CYP7B1: variants seen among roughly 807,000 people sequenced by gnomAD.
CYP7B1 encodes cytochrome P450 7B1.
In CYP7B1, 29 loss-of-function variants were observed where a neutral mutation model predicts 42.7. The ratio of observed to expected loss-of-function variants is 0.68; its 90% CI spans 0.51 to 0.93. CYP7B1 has a LOEUF of 0.93. Ranked by LOEUF, CYP7B1 falls within the 40% of genes least tolerant of loss-of-function variation. CYP7B1 has a pLI of 0.00. For synonymous variants in CYP7B1, 235 were observed against 218.2 expected, an observed-to-expected ratio of 1.08 and a Z score of -0.68; for missense variants, 655 against 600.5, an observed-to-expected ratio of 1.09 and a Z score of -0.95.
In CYP7B1 at chr8:64,667,544, GATAATA is replaced by G. The variant is rs148738162; in HGVS notation, c.123-43011_123-43006del. Among the ~76,000 whole-genome samples, 65 of 152,198 alleles carry G rather than the reference GATAATA, an allele frequency of 4.3e-4. 1 individual carries two copies. Among genetic ancestry groups the G allele is most frequent in the African/African-American group, 1.5e-3 (61 of 41,532 alleles). ...TTGGGTCCTTAAAACAGATAAGGAA[GATAATA>G]ATAATAACTATTATTATCTGATCTT... On this transcript the variant is annotated intron_variant, in intron 1 of 5. Transcript: ENST00000310193.
At chr8:64,707,697 T>C (rs558391202) in intron 1 of CYP7B1, among the ~76,000 whole-genome samples, 4 of 152,234 alleles carry the variant, frequency 2.6e-5, no homozygotes, top group African/African-American at 9.6e-5. Flanking sequence ...ATTAGTTTTT[T>C]TTTTCACTTT....
intron 1 of CYP7B1, among the ~76,000 whole-genome samples, chr8:64,654,388 G>A (rs988822857): frequency 9.9e-5 from 15 of 152,126 alleles, no homozygotes; most frequent in Admixed American, 2.0e-4. Flanking sequence ...CAGCCAAGGT[G>A]AGAGCCAAAT....
At chr8:64,607,083 G>T (rs1399703365) in intron 4 of CYP7B1, among the ~76,000 whole-genome samples, 1 of 152,168 alleles carries the variant, frequency 6.6e-6, no homozygotes, top group Non-Finnish European at 1.5e-5. Flanking sequence ...CTGCACGGTA[G>T]AGCAACATCT....
At position 64,616,168 on chromosome 8, in the gene CYP7B1, T is replaced by C. The variant is rs1805443799; in HGVS notation, c.373A>G (p.Ile125Val). 1 of 1,613,124 alleles carries C rather than the reference T, an allele frequency of 6.2e-7. No homozygotes were observed. Among genetic ancestry groups the C allele is most frequent in the African/African-American group, 1.3e-5 (1 of 74,982 alleles). ...TCATGATTTTTTTGCAACTGACTGA[T>C]GCTAAATGCTTTCTCTAATAATTTA... ...SNKLLEKAFSISQLQKNHDMN... is the reference protein window; with the variant it reads ...SNKLLEKAFSVSQLQKNHDMN... Residue 125 changes from isoleucine (I) to valine (V), a missense_variant, in exon 3 of 6, where the codon ATC becomes GTC. Physicochemically the swap from Ile to Val is conservative, Grantham distance 29 (BLOSUM62 3). Transcript: ENST00000310193.
intron 1 of CYP7B1, among the ~76,000 whole-genome samples, chr8:64,674,284 C>T (rs544799814): frequency 2.0e-5 from 3 of 152,150 alleles, no homozygotes; most frequent in South Asian, 4.2e-4. Context: ...ATTCTTTTGT[C>T]GCTTTGGTGT....
intron 1 of CYP7B1, among the ~76,000 whole-genome samples, chr8:64,692,183 C>T (rs971268538): frequency 9.8e-5 from 15 of 152,336 alleles, no homozygotes; most frequent in East Asian, 1.9e-4. Context: ...GGAAGACCAA[C>T]GTAACATCAA....
At chr8:64,625,066 C>T (rs1465358032) in intron 1 of CYP7B1, among the ~76,000 whole-genome samples, 14 of 141,728 alleles carry the variant, frequency 9.9e-5, no homozygotes, top group Non-Finnish European at 2.1e-4. Flanking sequence ...CTGCGCCTCC[C>T]GGGTTCACGC....
chr8:64,780,831 C>T (rs1228849007), intron 1 of CYP7B1, among the ~76,000 whole-genome samples: 1 of 152,046 alleles, frequency 6.6e-6, no homozygotes, highest in East Asian at 1.9e-4. Flanking sequence ...CCTTAGATCC[C>T]TTCAAATTCT....
chr8:64,624,253 A>C (rs1304867894), intron 2 of CYP7B1, 150 bp downstream of exon 2: 1 of 768,756 alleles, frequency 1.3e-6, no homozygotes, highest in Non-Finnish European at 2.0e-6. Flanking sequence ...TCACTGAACT[A>C]AAAATAATAG....
In CYP7B1 at chr8:64,591,673, A is replaced by C. The variant is rs562643608; in HGVS notation, c.*4969T>G. Among the ~76,000 whole-genome samples the C allele has an allele frequency of 6.6e-6, 1 of 152,298 alleles. No individual in the cohort carries two copies. Among genetic ancestry groups the C allele is most frequent in the African/African-American group, 2.4e-5 (1 of 41,564 alleles). ...AAACTTAATTATAAAATGGAGATGA[A>C]GTAAGGAAGTATGCCAGGAAAGCCA... On this transcript the variant is annotated 3_prime_UTR_variant, in exon 6 of 6. Transcript: ENST00000310193.
At chr8:64,631,894 A>G (rs1805701742) in intron 1 of CYP7B1, among the ~76,000 whole-genome samples, 1 of 42,856 alleles carries the variant, frequency 2.3e-5, no homozygotes, top group East Asian at 3.2e-4. Context: ...CAGGATGACT[A>G]TTATCCAAAA....
At position 64,614,364 on chromosome 8, in the gene CYP7B1, C is replaced by T. The variant is rs562100818; in HGVS notation, c.1057+662G>A. On this transcript the variant is annotated intron_variant, in intron 4 of 5. Coordinates refer to ENST00000310193, the MANE Select transcript of CYP7B1 (RefSeq NM_004820.5). ...TAGTGACCATGTATATCTCATGAGT[C>T]GGTGAGTATTTTATAAAATATCAAT... Among the ~76,000 whole-genome samples the T allele has an allele frequency of 7.2e-5, 11 of 152,190 alleles. 1 individual carries two copies. Among genetic ancestry groups the T allele is most frequent in the Non-Finnish European group, 1.2e-4 (8 of 67,966 alleles).
intron 1 of CYP7B1, among the ~76,000 whole-genome samples, chr8:64,795,224 A>T (rs1804686354): frequency 6.6e-6 from 1 of 152,218 alleles, no homozygotes; most frequent in Non-Finnish European, 1.5e-5. Context: ...AGTTATACGC[A>T]AAAAAGGATA....
In CYP7B1 at chr8:64,616,041, G is replaced by A; in HGVS notation, c.500C>T (p.Pro167Leu). ...MMQNLKQVFE[P>L]QLLKTTSWDT... The stretch of plus-strand genomic sequence containing the variant: ...CCAACTTGTGGTTTTTAACAGCTGG[G>A]GTTCAAAAACTTGTTTTAGATTCTG... The change falls in exon 3 of 6, where the codon CCC becomes CTC. Residue 167 changes from proline (P) to leucine (L), a missense_variant. Transcript: ENST00000310193. 1 of 1,613,590 alleles carries A rather than the reference G, an allele frequency of 6.2e-7. No homozygotes were observed.
chr8:64,656,551 C>T (rs1806123514), intron 1 of CYP7B1, among the ~76,000 whole-genome samples: 1 of 152,174 alleles, frequency 6.6e-6, no homozygotes, highest in African/African-American at 2.4e-5. Flanking sequence ...GCATTGTGGC[C>T]GAGCTGCAGG....
At chr8:64,698,579 T>C (rs1308376278) in intron 1 of CYP7B1, among the ~76,000 whole-genome samples, 2 of 152,150 alleles carry the variant, frequency 1.3e-5, no homozygotes, top group Admixed American at 1.3e-4. Flanking sequence ...ACAAAATAAT[T>C]ATATGAAAAG....
At chr8:64,662,616 GAAAC>G (rs1806216040) in intron 1 of CYP7B1, among the ~76,000 whole-genome samples, 1 of 152,076 alleles carries the variant, frequency 6.6e-6, no homozygotes, top group Non-Finnish European at 1.5e-5. Context: ...TTGTCTTGTT[GAAAC>G]AAACAAAATG....
chr8:64,777,303 C>T (rs1585909275), intron 1 of CYP7B1, among the ~76,000 whole-genome samples: 1 of 151,828 alleles, frequency 6.6e-6, no homozygotes, highest in African/African-American at 2.4e-5. Flanking sequence ...AGAGCTGCTA[C>T]CCAGAAATTT....
At chr8:64,676,824 A>G (rs2129631829) in intron 1 of CYP7B1, among the ~76,000 whole-genome samples, 1 of 152,200 alleles carries the variant, frequency 6.6e-6, no homozygotes, top group Admixed American at 6.5e-5. Flanking sequence ...CTTTCAATTT[A>G]AATATGCTAG....
Sources: gnomAD v4.1 joint callset for allele counts (sites outside exome capture counted in the v4.1 genomes callset) on GRCh38, gnomAD v4.1.1 for gene constraint, MANE v1.5 for transcripts, NCBI Gene and HGNC (gene_info 2026-07-23, HGNC 2026-07-21) for gene names.